DPYD: variants seen among roughly 807,000 people sequenced by gnomAD.
DPYD encodes dihydropyrimidine dehydrogenase [NADP(+)].
A neutral mutation model predicts 116.2 loss-of-function variants in DPYD; 109 were observed. The ratio of observed to expected loss-of-function variants is 0.94; its 90% CI spans 0.80 to 1.10. The LOEUF (loss-of-function observed/expected upper bound fraction) is 1.10, where lower values mean the gene tolerates loss of function less well. Among genes scored for constraint, DPYD ranks in the 50% least tolerant of loss-of-function variants. The pLI is 0.00. For missense variants in DPYD, 1,302 were observed against 1,254.5 expected (o/e 1.04, Z -0.57); for synonymous variants, 440 against 432.0 (o/e 1.02, Z -0.23).
intron 1 of DPYD, 93 bp from the exon 2 acceptor site, chr1:97,883,467 C>T (rs891539234): frequency 9.0e-5 from 86 of 957,994 alleles, no homozygotes; most frequent in African/African-American, 8.2e-5. Context: ...TTTTGAGACA[C>T]GGTCTCTCTC....
At chr1:97,443,569 A>T (rs1432465928) in intron 14 of DPYD, among the ~76,000 whole-genome samples, 1 of 152,236 alleles carries the variant, frequency 6.6e-6, no homozygotes, top group Non-Finnish European at 1.5e-5. Flanking sequence ...ACAAAGGAGA[A>T]GTCCCTTCAG....
At chr1:97,144,058 G>C (rs1252393750) in intron 20 of DPYD, among the ~76,000 whole-genome samples, 2 of 152,056 alleles carry the variant, frequency 1.3e-5, no homozygotes, top group African/African-American at 2.4e-5. Context: ...ATCAAATAAA[G>C]GATAAGTCTC....
intron 1 of DPYD, among the ~76,000 whole-genome samples, chr1:97,901,747 A>G (rs888613381): frequency 1.3e-5 from 2 of 151,834 alleles, no homozygotes; most frequent in Non-Finnish European, 2.9e-5. Context: ...AGTGAAATAC[A>G]GCATGTCTCC....
intron 20 of DPYD, among the ~76,000 whole-genome samples, chr1:97,112,541 T>C (rs1651675121): frequency 6.6e-6 from 1 of 152,138 alleles, no homozygotes; most frequent in African/African-American, 2.4e-5. Flanking sequence ...CCTGCTACCA[T>C]GCTACTTCAC....
intron 2 of DPYD, among the ~76,000 whole-genome samples, 165 bp from the exon 3 acceptor site, chr1:97,828,361 C>T (rs942904093): frequency 2.0e-5 from 3 of 152,136 alleles, no homozygotes; most frequent in African/African-American, 7.2e-5. Flanking sequence ...TTAAATCCAA[C>T]AGTAACAAAA....
chr1:97,593,329 T>C lies in DPYD; in HGVS notation c.1017A>G (p.Gly339=). 1 of 1,614,042 alleles carries C rather than the reference T, an allele frequency of 6.2e-7. No homozygotes were observed. Among genetic ancestry groups the C allele is most frequent in the Non-Finnish European group, 8.5e-7 (1 of 1,180,000 alleles). The part of the protein sequence containing the change: ...PSIRGVVIVL[G]AGDTAFDCAT... The stretch of plus-strand genomic sequence containing the variant: ...CACAGTCAAAGGCAGTGTCTCCAGC[T>C]CCAAGTACAATCACGACTCCCCGTA... Residue 339 remains glycine, a synonymous_variant, in exon 10 of 23, where the codon GGA becomes GGG. Transcript: ENST00000370192.
At chr1:97,230,617 C>A (rs148869592) in intron 19 of DPYD, among the ~76,000 whole-genome samples, 17 of 152,030 alleles carry the variant, frequency 1.1e-4, no homozygotes, top group African/African-American at 3.9e-4. Context: ...GCACACGTAC[C>A]CTGAACTTAA....
At chr1:97,705,111 T>C (rs1235111628) in intron 5 of DPYD, among the ~76,000 whole-genome samples, 8 of 151,890 alleles carry the variant, frequency 5.3e-5, no homozygotes, top group African/African-American at 1.9e-4. Flanking sequence ...TTAAGGCTAC[T>C]TGACTCCAAA....
intron 1 of DPYD, among the ~76,000 whole-genome samples, chr1:97,916,848 TA>T (rs1558052353): frequency 1.3e-5 from 2 of 152,086 alleles, no homozygotes; most frequent in Non-Finnish European, 2.9e-5. Context: ...ATCTCTATTT[TA>T]AAAAACTGCA....
intron 18 of DPYD, among the ~76,000 whole-genome samples, chr1:97,283,442 T>A (rs2100943815): frequency 6.6e-6 from 1 of 152,200 alleles, no homozygotes; most frequent in East Asian, 1.9e-4. Flanking sequence ...GGTGAAAAAG[T>A]TGCTTAGTGA....
At chr1:97,104,845 G>A (rs896293009) in intron 20 of DPYD, among the ~76,000 whole-genome samples, 1 of 152,126 alleles carries the variant, frequency 6.6e-6, no homozygotes, top group African/African-American at 2.4e-5. Flanking sequence ...GATGAAGTCG[G>A]ATCATGAATT....
chr1:97,803,218 G>C (rs758589342), intron 3 of DPYD, among the ~76,000 whole-genome samples: 1 of 151,758 alleles, frequency 6.6e-6, no homozygotes, highest in Non-Finnish European at 1.5e-5. Flanking sequence ...GGAATGCCAC[G>C]ACTCCTGCTG....
chr1:97,117,979 T>C (rs1170249308), intron 20 of DPYD, among the ~76,000 whole-genome samples: 1 of 152,184 alleles, frequency 6.6e-6, no homozygotes, highest in East Asian at 1.9e-4. Flanking sequence ...TAATTATATA[T>C]AACACCTTTT....
chr1:97,120,244 T>C (rs1652320363), intron 20 of DPYD, among the ~76,000 whole-genome samples: 1 of 152,210 alleles, frequency 6.6e-6, no homozygotes, highest in Non-Finnish European at 1.5e-5. Context: ...TGTTTCTATT[T>C]TCTTCAAAAT....
intron 1 of DPYD, among the ~76,000 whole-genome samples, chr1:97,887,469 T>TAAAAAAAAAAAAAAAAAAAAAAA (rs57316508): frequency 6.2e-4 from 29 of 47,140 alleles, no homozygotes; most frequent in Non-Finnish European, 9.4e-4. Flanking sequence ...GACTCTGCAT[T>TAAAAAAAAAAAAAAAAAAAAAAA]AAAAAAAAAA....
At chr1:97,914,127 C>A (rs1323103902) in intron 1 of DPYD, among the ~76,000 whole-genome samples, 1 of 152,070 alleles carries the variant, frequency 6.6e-6, no homozygotes, top group Non-Finnish European at 1.5e-5. Flanking sequence ...AATGCTGTTA[C>A]ACAGCCAAGG....
chr1:97,266,647 TTAAG>T (rs1250333683), intron 18 of DPYD, among the ~76,000 whole-genome samples: 1 of 152,262 alleles, frequency 6.6e-6, no homozygotes, highest in East Asian at 1.9e-4. Context: ...GTCATTTACA[TTAAG>T]TATTTCTCCT....
At chr1:97,260,880 G>T (rs1288821091) in intron 18 of DPYD, among the ~76,000 whole-genome samples, 1 of 152,112 alleles carries the variant, frequency 6.6e-6, no homozygotes, top group Non-Finnish European at 1.5e-5. Flanking sequence ...AGTTCAGAGA[G>T]CAGGCAAGTT....
intron 16 of DPYD, among the ~76,000 whole-genome samples, chr1:97,324,105 G>A (rs909663795): frequency 6.6e-6 from 1 of 151,962 alleles, no homozygotes; most frequent in African/African-American, 2.4e-5. Flanking sequence ...CCTGGTAGAG[G>A]CTGTATTAGC....
Sources: allele counts gnomAD v4.1 joint callset (sites outside exome capture counted in the v4.1 genomes callset), GRCh38; gene constraint gnomAD v4.1.1; transcripts MANE v1.5; gene names NCBI Gene and HGNC (gene_info 2026-07-23, HGNC 2026-07-21).